GMEB1: variants seen among roughly 807,000 people sequenced by gnomAD.
GMEB1 encodes the protein glucocorticoid modulatory element-binding protein 1.
In GMEB1, 6 loss-of-function variants were observed where a neutral mutation model predicts 52.4. That is an observed-to-expected ratio of 0.11 (90% CI 0.06 to 0.23). The LOEUF (loss-of-function observed/expected upper bound fraction) is 0.23. Among genes scored for constraint, GMEB1 ranks in the 10% least tolerant of loss-of-function variants. The pLI is 1.00. For synonymous variants in GMEB1, 255 were observed against 244.9 expected (o/e 1.04, Z -0.38); for missense variants, 486 against 685.6 (o/e 0.71, Z 3.25).
rs1491234055 is a variant in GMEB1, at chr1:28,691,574, T to TCTGTAA, written c.212-7_212-6insAACTGT. ...TGTTTGATAAATAACTGATATTTTT[T>TCTGTAA]CTGTTTTCAGATACAGGCACTATAG... On this transcript the variant is annotated splice_polypyrimidine_tract_variant and intron_variant, in intron 3 of 9. Transcript: ENST00000373816. The TCTGTAA allele has an allele frequency of 3.3e-6, 5 of 1,519,594 alleles. No homozygotes were observed. The highest frequency in any genetic ancestry group is 4.5e-6 in the Non-Finnish European group (5 of 1,118,784). The allele number at this position is 1,519,594 out of a possible 1,614,324, so 94.1% of individuals were successfully genotyped here. A position where few individuals can be genotyped will look rare whatever the true frequency, so the allele number is the denominator to read the frequency against.
At chr1:28,686,366 T>C (rs1669639850) in intron 2 of GMEB1, among the ~76,000 whole-genome samples, 1 of 151,756 alleles carries the variant, frequency 6.6e-6, no homozygotes, top group South Asian at 2.1e-4. Flanking sequence ...AGGCCGGGTA[T>C]GGTAGCTCAC....
At chr1:28,710,720 TG>T (rs1671016767) in intron 9 of GMEB1, 78 bp downstream of exon 9, 1 of 1,077,270 alleles carries the variant, frequency 9.3e-7, no homozygotes, top group Non-Finnish European at 1.2e-6. Context: ...TGACTTTTGT[TG>T]GGGTAACTTT....
intron 1 of GMEB1, among the ~76,000 whole-genome samples, chr1:28,675,240 A>G (rs901206601): frequency 1.5e-4 from 23 of 150,492 alleles, no homozygotes; most frequent in Non-Finnish European, 3.2e-4. Context: ...GATGGTCTTG[A>G]TCTCCTGACC....
rs58978972 is a variant in GMEB1, at chr1:28,695,938, CAAAA to C, written c.441-956_441-953del. ...TGGGCGACAGAGCGAGACTCCGTCT[CAAAA>C]AAAAAAAAAAAAAAAAAAAAAAAAA... On this transcript the variant is annotated intron_variant, in intron 5 of 9. Transcript: ENST00000373816. Among the ~76,000 whole-genome samples the C allele has an allele frequency of 3.7e-3, 151 of 41,036 alleles. 1 individual carries two copies. Among genetic ancestry groups the C allele is most frequent in the African/African-American group, 0.011 (96 of 8,724 alleles). The allele number at this position is 41,036 out of a possible 152,430, so 26.9% of individuals were successfully genotyped here. A position where few individuals can be genotyped will look rare whatever the true frequency, so the allele number is the denominator to read the frequency against.
At chr1:28,694,952 G>C (rs1007391579) in intron 5 of GMEB1, among the ~76,000 whole-genome samples, 1 of 136,554 alleles carries the variant, frequency 7.3e-6, no homozygotes, top group East Asian at 2.2e-4. Context: ...GTGAGCCACC[G>C]TGGCCAGCCT....
chr1:28,690,639 G>A (rs959671697), intron 3 of GMEB1, among the ~76,000 whole-genome samples: 1 of 152,032 alleles, frequency 6.6e-6, no homozygotes, highest in African/African-American at 2.4e-5. Context: ...CCTTTCTGAA[G>A]CCCATATACT....
At chr1:28,694,084 AT>A (rs1193186309) in intron 5 of GMEB1, among the ~76,000 whole-genome samples, 3 of 152,164 alleles carry the variant, frequency 2.0e-5, no homozygotes, top group African/African-American at 7.2e-5. Flanking sequence ...GAAGAAAAAT[AT>A]AAAATTCATT....
intron 9 of GMEB1, among the ~76,000 whole-genome samples, chr1:28,712,424 G>A (rs889688998): frequency 6.6e-6 from 1 of 152,158 alleles, no homozygotes; most frequent in Non-Finnish European, 1.5e-5. Flanking sequence ...CGGGGGGAGG[G>A]CTGAAAGTCC....
At chr1:28,704,640 C>T (rs1442829392) in intron 8 of GMEB1, among the ~76,000 whole-genome samples, 4 of 151,520 alleles carry the variant, frequency 2.6e-5, no homozygotes, top group Non-Finnish European at 4.4e-5. Flanking sequence ...GAGTCTCGCT[C>T]TATCGCCTAG....
Position 28,715,811 on chromosome 1 carries a change from G to T in GMEB1, c.*1038G>T, listed in dbSNP as rs1424280629. 1 of 152,222 alleles carries T rather than the reference G, an allele frequency of 6.6e-6. No homozygotes were observed. Among genetic ancestry groups the T allele is most frequent in the African/African-American group, 2.4e-5 (1 of 41,360 alleles). 9.4% of individuals were successfully genotyped at this position (152,222 alleles called of 1,614,324 possible). A position where few individuals can be genotyped will look rare whatever the true frequency, so the allele number is the denominator to read the frequency against. On this transcript the variant is annotated 3_prime_UTR_variant, in exon 10 of 10. Transcript: ENST00000373816. Reference sequence around the variant, plus strand: ...GGTTTTGCAGAAATGGAAAGCCAAGGCCGGGTGCGGTGGCTCATGCCTGTA... The same window carrying T: ...GGTTTTGCAGAAATGGAAAGCCAAGTCCGGGTGCGGTGGCTCATGCCTGTA...
chr1:28,690,199 T>G lies in GMEB1; in HGVS notation c.211+13T>G, dbSNP rs1030150433. ...GAAGAAGGGATTGGTAAGGGTTTTT[T>G]TGTGTTTTTTTTTTTTTTTTTTTTT... On this transcript the variant is annotated intron_variant, in intron 3 of 9. Transcript: ENST00000373816. 6.8e-6 allele frequency: 8 copies of G among 1,183,394 alleles called. No homozygotes were observed. The highest frequency in any genetic ancestry group is 3.5e-5 in the African/African-American group (2 of 57,056). The allele number at this position is 1,183,394 out of a possible 1,614,324, so 73.3% of individuals were successfully genotyped here.
intron 9 of GMEB1, among the ~76,000 whole-genome samples, chr1:28,712,924 G>A (rs534485717): frequency 3.1e-4 from 47 of 152,124 alleles, no homozygotes; most frequent in African/African-American, 1.0e-3. Context: ...AGGCCTAGGC[G>A]GGCAGATCAC....
chr1:28,697,152 C>T (rs532024927), intron 6 of GMEB1, 68 bp downstream of exon 6: 2 of 405,858 alleles, frequency 4.9e-6, no homozygotes, highest in South Asian at 6.1e-5. Context: ...TTATTTCTCC[C>T]TTGTGTGTAC....
At chr1:28,706,226 A>G (rs1670757024) in intron 8 of GMEB1, among the ~76,000 whole-genome samples, 3 of 152,172 alleles carry the variant, frequency 2.0e-5, no homozygotes, top group Admixed American at 2.0e-4. Context: ...GGCTTTCTGA[A>G]CTTGTTGTGT....
Position 28,683,674 on chromosome 1 carries a change from A to G in GMEB1, c.62A>G (p.Asn21Ser). The G allele has an allele frequency of 6.2e-7, 1 of 1,611,974 alleles. No individual in the cohort carries two copies. Among genetic ancestry groups the G allele is most frequent in the Non-Finnish European group, 8.5e-7 (1 of 1,179,160 alleles). Reference protein sequence around the residue: ...GDVVVVPTEGNEGENPEDTKT... With the variant: ...GDVVVVPTEGSEGENPEDTKT... Reference sequence around the variant, plus strand: ...GTGGTTGTGGTACCTACTGAAGGAAATGAAGGGGAGAATCCTGAAGACACT... The same window carrying G: ...GTGGTTGTGGTACCTACTGAAGGAAGTGAAGGGGAGAATCCTGAAGACACT... The change falls in exon 2 of 10, where the codon AAT becomes AGT. Residue 21 changes from asparagine to serine, a missense_variant. Asn to Ser is a conservative substitution (Grantham distance 46). Transcript: ENST00000373816.
chr1:28,676,829 A>C (rs948244842), intron 1 of GMEB1, among the ~76,000 whole-genome samples: 5 of 152,102 alleles, frequency 3.3e-5, no homozygotes, highest in Admixed American at 2.0e-4. Context: ...GCACTTTGGG[A>C]GGCTGAGGTG....
intron 9 of GMEB1, among the ~76,000 whole-genome samples, chr1:28,712,527 T>G (rs993876091): frequency 6.6e-6 from 1 of 152,102 alleles, no homozygotes; most frequent in Non-Finnish European, 1.5e-5. Flanking sequence ...CATTAAGATA[T>G]AAAGACATTT....
chr1:28,672,965 G>A (rs909794732), intron 1 of GMEB1, among the ~76,000 whole-genome samples: 1 of 151,150 alleles, frequency 6.6e-6, no homozygotes, highest in Admixed American at 6.6e-5. Flanking sequence ...GCGCGATCTC[G>A]GCTCAGCGCA....
At chr1:28,677,080 CTA>C (rs994407004) in intron 1 of GMEB1, among the ~76,000 whole-genome samples, 1 of 151,892 alleles carries the variant, frequency 6.6e-6, no homozygotes, top group Admixed American at 6.6e-5. Context: ...TGCCATCAGG[CTA>C]TGTGTGTAAG....
Sources: allele counts gnomAD v4.1 joint callset (sites outside exome capture counted in the v4.1 genomes callset), GRCh38; gene constraint gnomAD v4.1.1; transcripts MANE v1.5; gene names NCBI Gene and HGNC (gene_info 2026-07-23, HGNC 2026-07-21).